The following FICD variants were observed in gnomAD, a reference collection of about 807,000 sequenced individuals.
The protein encoded by FICD is protein adenylyltransferase FICD.
FICD carries 13 observed loss-of-function variants against 28.0 expected under a neutral mutation model. The ratio of observed to expected loss-of-function variants is 0.46; its 90% CI spans 0.30 to 0.74. The LOEUF is 0.74. Among genes scored for constraint, FICD ranks in the 30% least tolerant of loss-of-function variants. The pLI, the probability that FICD is intolerant of heterozygous loss-of-function variation, is 0.07. For synonymous variants in FICD, 268 were observed against 266.4 expected (o/e 1.01, Z -0.06); for missense variants, 576 against 624.5 (o/e 0.92, Z 0.83).
At position 108,517,203 on chromosome 12, in the gene FICD, C is replaced by A; in HGVS notation, c.231C>A (p.Ser77Arg). The A allele has an allele frequency of 6.3e-7, 1 of 1,587,294 alleles. No individual in the cohort carries two copies. Among genetic ancestry groups the A allele is most frequent in the Non-Finnish European group, 8.6e-7 (1 of 1,166,452 alleles). Residue 77 changes from serine to arginine, a missense_variant, in exon 2 of 3, where the codon AGC becomes AGA. Coordinates refer to ENST00000552695, the MANE Select transcript of FICD (RefSeq NM_007076.3). ...AGCATGCCGCCACCAAGTGCACCAG[C>A]CCGTCCACGGAGCTCAGCATCACCT... is the stretch of plus-strand genomic sequence containing the variant. The part of the protein sequence containing the change: ...RAQHAATKCT[S>R]PSTELSITSR...
rs781308114 is a variant in FICD, at chr12:108,516,947, C to T, written c.-26C>T. ...TCTCTCTCAGCCGCCTGTGGACATG[C>T]GCAAAGGGCCCTCTCCTGAGTCCAG... On this transcript the variant is annotated 5_prime_UTR_variant, in exon 2 of 3. Coordinates refer to ENST00000552695, the MANE Select transcript of FICD (RefSeq NM_007076.3). 26 of 1,448,988 alleles carry T rather than the reference C, an allele frequency of 1.8e-5. No homozygotes were observed. Among genetic ancestry groups the T allele is most frequent in the Middle Eastern group, 1.9e-4 (1 of 5,400 alleles). 89.8% of individuals were successfully genotyped at this position (1,448,988 alleles called of 1,614,324 possible).
rs1871968957 is a variant in FICD at position 108,518,215 on chromosome 12, TG to T, written c.302-181del. 3 of 705,292 alleles carry T rather than the reference TG, an allele frequency of 4.3e-6. No individual in the cohort carries two copies. In the South Asian group the frequency reaches 4.4e-5, roughly 10 times the overall value. The allele number at this position is 705,292 out of a possible 1,614,324, so 43.7% of individuals were successfully genotyped here. On this transcript the variant is annotated intron_variant, in intron 2 of 2. Transcript: ENST00000552695. This position sits in a 1 kb window ranked among gnomAD's most constrained non-coding sequence, Gnocchi z 4.4. ...TAGTGACTGCATACCACCACACGGC[TG>T]GGGCAACAGAGTGGTACCGGGCATG...
In FICD at chr12:108,518,687, A is replaced by G. The variant is rs1871999564; in HGVS notation, c.589A>G (p.Ile197Val). 1 of 1,614,206 alleles carries G rather than the reference A, an allele frequency of 6.2e-7. No homozygotes were observed. Among genetic ancestry groups the G allele is most frequent in the Non-Finnish European group, 8.5e-7 (1 of 1,180,028 alleles). ...AGAGATCGACCAGAGGTATTTCAGCATCATCGACAGCAAAGTGAAGAAGGT... is the reference window on the plus strand; with the variant it reads ...AGAGATCGACCAGAGGTATTTCAGCGTCATCGACAGCAAAGTGAAGAAGGT... ...VEEIDQRYFS[I>V]IDSKVKKVMS... The change falls in exon 3 of 3, where the codon ATC (isoleucine) becomes GTC (valine). Residue 197 changes from isoleucine (I) to valine (V), a missense_variant. Physicochemically the swap from Ile to Val is conservative, Grantham distance 29. Coordinates refer to ENST00000552695, the MANE Select transcript of FICD (RefSeq NM_007076.3). This position sits in a 1 kb window ranked among gnomAD's most constrained non-coding sequence, Gnocchi z 4.4.
In FICD at chr12:108,520,093, T is replaced by TTG. The variant is rs998676210; in HGVS notation, c.*619_*620insGT. The TTG allele has an allele frequency of 2.0e-5, 3 of 150,966 alleles. No individual in the cohort carries two copies. The highest frequency in any genetic ancestry group is 3.0e-5 in the Non-Finnish European group (2 of 67,674). The allele number at this position is 150,966 out of a possible 1,614,324, so 9.4% of individuals were successfully genotyped here. ...AACTTTAGTGCCAGCAGCTGTTTTTTTTTTTTTTTTTTTCATATTGAGACT... is the reference window on the plus strand; with the variant it reads ...AACTTTAGTGCCAGCAGCTGTTTTTTTGTTTTTTTTTTTTTCATATTGAGACT... On this transcript the variant is annotated 3_prime_UTR_variant, in exon 3 of 3. Coordinates refer to ENST00000552695, the MANE Select transcript of FICD (RefSeq NM_007076.3).
rs201767952 is a variant in FICD at position 108,517,101 on chromosome 12, G to A, written c.129G>A (p.Pro43=). ...VLGSLLALLL[P]LGAVEEQCLA... ...GGTCCCTGCTGGCCCTGCTGCTGCC[G>A]CTGGGGGCTGTGGAGGAGCAGTGCT... Residue 43 remains proline, a synonymous_variant, in exon 2 of 3, where the codon CCG becomes CCA. Transcript: ENST00000552695. 9.3e-6 allele frequency: 15 copies of A among 1,609,864 alleles called. No homozygotes were observed. Among genetic ancestry groups the A allele is most frequent in the Non-Finnish European group, 1.1e-5 (13 of 1,178,030 alleles).
In FICD at chr12:108,518,034, G is replaced by A. The variant is rs937610359; in HGVS notation, c.302-366G>A. 6 of 676,918 alleles carry A rather than the reference G, an allele frequency of 8.9e-6. No homozygotes were observed. Among genetic ancestry groups the A allele is most frequent in the African/African-American group, 1.8e-5 (1 of 56,614 alleles). The allele number at this position is 676,918 out of a possible 1,614,324, so 41.9% of individuals were successfully genotyped here. A position where few individuals can be genotyped will look rare whatever the true frequency, so the allele number is the denominator to read the frequency against. ...AAGATGAGCTGGAGATGTAGGAGAC[G>A]GCCTACACTGGGAGCTGTGGCCCAC... On this transcript the variant is annotated intron_variant, in intron 2 of 2. Coordinates refer to ENST00000552695, the MANE Select transcript of FICD (RefSeq NM_007076.3). The surrounding 1 kb of genome is among the most constrained non-coding windows in gnomAD (Gnocchi z 4.4).
chr12:108,517,090 C>T lies in FICD; in HGVS notation c.118C>T (p.Leu40=). 1 of 1,610,576 alleles carries T rather than the reference C, an allele frequency of 6.2e-7. No individual in the cohort carries two copies. Among genetic ancestry groups the T allele is most frequent in the Non-Finnish European group, 8.5e-7 (1 of 1,178,166 alleles). ...LSMVLGSLLA[L]LLPLGAVEEQ... is the part of the protein sequence containing the mutation. ...CATGGTGCTGGGGTCCCTGCTGGCCCTGCTGCTGCCGCTGGGGGCTGTGGA... is the reference window on the plus strand; with the variant it reads ...CATGGTGCTGGGGTCCCTGCTGGCCTTGCTGCTGCCGCTGGGGGCTGTGGA... Residue 40 remains leucine, a synonymous_variant, in exon 2 of 3, where the codon CTG becomes TTG. Transcript: ENST00000552695.
At chr12:108,516,868 A>G (rs2136651895) in intron 1 of FICD, 47 bp from the exon 2 acceptor site, 1 of 933,500 alleles carries the variant, frequency 1.1e-6, no homozygotes, top group Non-Finnish European at 1.5e-6. Context: ...AAGTCACACT[A>G]TGTCCTGAAC....
At position 108,518,163 on chromosome 12, in the gene FICD, AAG is replaced by A. The variant is rs1170167066; in HGVS notation, c.302-232_302-231del. ...GCCAAGGAGGTGCCTCCCAGAATAC[AAG>A]AGAGTGGCTCTGGGGACACACGGAT... On this transcript the variant is annotated intron_variant, in intron 2 of 2. Transcript: ENST00000552695. This position sits in a 1 kb window ranked among gnomAD's most constrained non-coding sequence, Gnocchi z 4.4. 9 of 702,594 alleles carry A rather than the reference AAG, an allele frequency of 1.3e-5. No homozygotes were observed. The highest frequency in any genetic ancestry group is 2.1e-5 in the Non-Finnish European group (8 of 384,954). The allele number at this position is 702,594 out of a possible 1,614,324, so 43.5% of individuals were successfully genotyped here. A position where few individuals can be genotyped will look rare whatever the true frequency, so the allele number is the denominator to read the frequency against.
chr12:108,518,277 A>G lies in FICD; in HGVS notation c.302-123A>G, dbSNP rs1449553997. On this transcript the variant is annotated intron_variant, in intron 2 of 2. Transcript: ENST00000552695. This position sits in a 1 kb window ranked among gnomAD's most constrained non-coding sequence, Gnocchi z 4.4. ...ACGATGCGGCTGCAACAAGCTCCTC[A>G]AGGCCAGGGACACAGGCTGGTCATC... The G allele has an allele frequency of 1.2e-6, 1 of 825,014 alleles. No homozygotes were observed. The highest frequency in any genetic ancestry group is 1.7e-5 in the African/African-American group (1 of 59,384). The allele number at this position is 825,014 out of a possible 1,614,324, so 51.1% of individuals were successfully genotyped here.
rs770607435 is a variant in FICD, at chr12:108,519,047, G to A, written c.949G>A (p.Gly317Arg). ...GRFRTTQVLVGHHIPPHPQDV... is the reference protein window; with the variant it reads ...GRFRTTQVLVRHHIPPHPQDV... ...GTTTCGGACAACACAGGTCCTGGTCGGACACCACATCCCTCCCCATCCGCA... is the reference window on the plus strand; with the variant it reads ...GTTTCGGACAACACAGGTCCTGGTCAGACACCACATCCCTCCCCATCCGCA... The change falls in exon 3 of 3, where the codon GGA becomes AGA. Residue 317 changes from glycine (G) to arginine (R), a missense_variant. Transcript: ENST00000552695. The surrounding 1 kb of genome is among the most constrained non-coding windows in gnomAD (Gnocchi z 4.5). The A allele has an allele frequency of 3.1e-6, 5 of 1,614,180 alleles. No individual in the cohort carries two copies. Among genetic ancestry groups the A allele is most frequent in the Non-Finnish European group, 4.2e-6 (5 of 1,180,038 alleles).
Position 108,518,986 on chromosome 12 carries a change from G to A in FICD, c.888G>A (p.Arg296=). 1.2e-6 allele frequency: 2 copies of A among 1,614,190 alleles called. No homozygotes were observed. Among genetic ancestry groups the A allele is most frequent in the Non-Finnish European group, 1.7e-6 (2 of 1,180,042 alleles). The part of the protein sequence containing the change: ...TISDVLEIHR[R]VLGYVDPVEA... ...GCGACGTGCTGGAGATCCACAGGCG[G>A]GTGCTGGGCTACGTGGACCCCGTGG... Residue 296 remains arginine (R), a synonymous_variant, in exon 3 of 3, where the codon CGG becomes CGA. Transcript: ENST00000552695. The surrounding 1 kb of genome is among the most constrained non-coding windows in gnomAD (Gnocchi z 4.4).
Position 108,516,942 on chromosome 12 carries a change from A to T in FICD, c.-31A>T, listed in dbSNP as rs1408725498. ...CCTGCTCTCTCTCAGCCGCCTGTGG[A>T]CATGCGCAAAGGGCCCTCTCCTGAG... On this transcript the variant is annotated 5_prime_UTR_variant, in exon 2 of 3. Coordinates refer to ENST00000552695, the MANE Select transcript of FICD (RefSeq NM_007076.3). 3.5e-6 allele frequency: 5 copies of T among 1,443,326 alleles called. No individual in the cohort carries two copies. Among genetic ancestry groups the T allele is most frequent in the African/African-American group, 1.4e-5 (1 of 69,956 alleles). The allele number at this position is 1,443,326 out of a possible 1,614,324, so 89.4% of individuals were successfully genotyped here.
intron 2 of FICD, 153 bp downstream of exon 2, chr12:108,517,426 C>T: frequency 1.8e-6 from 1 of 566,116 alleles, no homozygotes; most frequent in Non-Finnish European, 2.8e-6. Context: ...GACAGTGTCA[C>T]AAGTGTGGTG....
At position 108,517,016 on chromosome 12, in the gene FICD, C is replaced by A; in HGVS notation, c.44C>A (p.Pro15Gln). 1.9e-6 allele frequency: 3 copies of A among 1,551,536 alleles called. No individual in the cohort carries two copies. The highest frequency in any genetic ancestry group is 1.9e-5 in the Admixed American group (1 of 52,142). ...PMASVMAVTE[P>Q]KWVSVWSRFL... ...GCTTCAGTGATGGCGGTGACTGAAC[C>A]GAAATGGGTCTCGGTCTGGAGCCGC... The change falls in exon 2 of 3, where the codon CCG becomes CAG. Residue 15 changes from proline (P) to glutamine (Q), a missense_variant. Transcript: ENST00000552695.
In FICD at chr12:108,517,043, T is replaced by C. The variant is rs1288791399; in HGVS notation, c.71T>C (p.Phe24Ser). 5 of 1,585,990 alleles carry C rather than the reference T, an allele frequency of 3.2e-6. No homozygotes were observed. The highest frequency in any genetic ancestry group is 3.4e-6 in the Non-Finnish European group (4 of 1,163,816). ...AAATGGGTCTCGGTCTGGAGCCGCT[T>C]CCTCTGGGTGACGCTGCTGAGCATG... The part of the protein sequence containing the change: ...EPKWVSVWSR[F>S]LWVTLLSMVL... Residue 24 changes from phenylalanine to serine, a missense_variant, in exon 2 of 3, where the codon TTC (phenylalanine) becomes TCC (serine). Physicochemically the swap from Phe to Ser is radical, Grantham distance 155. Coordinates refer to ENST00000552695, the MANE Select transcript of FICD (RefSeq NM_007076.3).
Position 108,518,810 on chromosome 12 carries a change from C to T in FICD, c.712C>T (p.Leu238Phe). 6.2e-7 allele frequency: 1 copy of T among 1,614,206 alleles called. No individual in the cohort carries two copies. Among genetic ancestry groups the T allele is most frequent in the Non-Finnish European group, 8.5e-7 (1 of 1,180,036 alleles). Residue 238 changes from leucine to phenylalanine, a missense_variant, in exon 3 of 3, where the codon CTC becomes TTC. Leu to Phe is a conservative substitution (Grantham distance 22). Transcript: ENST00000552695. This position sits in a 1 kb window ranked among gnomAD's most constrained non-coding sequence, Gnocchi z 4.4. ...CACAGTGGCCATCGAGGGCAACACCCTCACCCTCTCGGAAATCAGGCACAT... is the reference window on the plus strand; with the variant it reads ...CACAGTGGCCATCGAGGGCAACACCTTCACCCTCTCGGAAATCAGGCACAT... ...YHTVAIEGNT[L>F]TLSEIRHILE...
At chr12:108,516,434 AGT>A (rs1433862343) in intron 1 of FICD, among the ~76,000 whole-genome samples, 1 of 152,168 alleles carries the variant, frequency 6.6e-6, no homozygotes, top group Non-Finnish European at 1.5e-5. Flanking sequence ...CCACAAATCC[AGT>A]GTTTGTGGTC....
In FICD at chr12:108,519,308, G is replaced by T; in HGVS notation, c.1210G>T (p.Glu404Ter). ...GCGGTCCGACTACTACCACGTGTTG[G>T]AAGCTGCCAACGAGGGCGACGTGAG... ...EQRSDYYHVL[E>*]AANEGDVRPF... Residue 404 changes from glutamate to a stop codon, truncating the protein, a stop_gained, in exon 3 of 3, where the codon GAA becomes TAA. Transcript: ENST00000552695. LOFTEE classifies it high-confidence loss of function. The surrounding 1 kb of genome is among the most constrained non-coding windows in gnomAD (Gnocchi z 4.5). 1 of 1,614,222 alleles carries T rather than the reference G, an allele frequency of 6.2e-7. No individual in the cohort carries two copies. Among genetic ancestry groups the T allele is most frequent in the Non-Finnish European group, 8.5e-7 (1 of 1,180,042 alleles).
Sources: gnomAD v4.1 joint callset for allele counts (sites outside exome capture counted in the v4.1 genomes callset) on GRCh38, gnomAD v4.1.1 for gene constraint, Gnocchi (gnomAD v3.1) non-coding constraint, MANE v1.5 for transcripts, NCBI Gene and HGNC (gene_info 2026-07-23, HGNC 2026-07-21) for gene names.